PRKN: variants seen among roughly 807,000 people sequenced by gnomAD.
The protein encoded by PRKN is parkin RBR E3 ubiquitin protein ligase.
Under a neutral mutation model 59.5 loss-of-function variants are expected in PRKN, and 56 were observed. That is an observed-to-expected ratio of 0.94 (90% CI 0.76 to 1.18). The LOEUF (loss-of-function observed/expected upper bound fraction) is 1.18, where lower values mean the gene tolerates loss of function less well. Among genes scored for constraint, PRKN ranks in the 50% most tolerant of loss-of-function variants. PRKN has a pLI of 0.00. For missense variants in PRKN, 657 were observed against 596.4 expected, an observed-to-expected ratio of 1.10 and a Z score of -1.06; for synonymous variants, 250 against 222.1, an observed-to-expected ratio of 1.13 and a Z score of -1.12.
chr6:161,604,960 C>G (rs1162893805), intron 7 of PRKN, among the ~76,000 whole-genome samples: 1 of 152,064 alleles, frequency 6.6e-6, no homozygotes, highest in Non-Finnish European at 1.5e-5. Context: ...CTGACACATT[C>G]TTAAGAGACA....
intron 5 of PRKN, among the ~76,000 whole-genome samples, chr6:162,029,546 C>T (rs1334333631): frequency 3.3e-5 from 5 of 152,128 alleles, no homozygotes; most frequent in East Asian, 1.9e-4. Context: ...CACCGTGCAC[C>T]GCACTCTAGT....
intron 5 of PRKN, among the ~76,000 whole-genome samples, chr6:162,044,090 A>C (rs907424066): frequency 6.6e-6 from 1 of 152,226 alleles, no homozygotes; most frequent in Non-Finnish European, 1.5e-5. Context: ...TTTGCCAGGG[A>C]TTCAAGGAAG....
chr6:161,834,062 G>C (rs991124361), intron 6 of PRKN, among the ~76,000 whole-genome samples: 1 of 152,004 alleles, frequency 6.6e-6, no homozygotes, highest in Non-Finnish European at 1.5e-5. Context: ...CTAAGACAGC[G>C]GCACAGACAT....
intron 2 of PRKN, among the ~76,000 whole-genome samples, chr6:162,322,450 T>C (rs1783071969): frequency 1.3e-5 from 2 of 152,108 alleles, no homozygotes; most frequent in Admixed American, 6.6e-5. Context: ...CTAAGATTCA[T>C]GTGACAATGC....
chr6:162,612,680 T>A (rs977367164), intron 1 of PRKN, among the ~76,000 whole-genome samples: 4 of 149,824 alleles, frequency 2.7e-5, no homozygotes, highest in Non-Finnish European at 5.9e-5. Context: ...ATCAACAGCA[T>A]AAGTTCTTCC....
At chr6:162,614,254 A>G (rs1191862664) in intron 1 of PRKN, among the ~76,000 whole-genome samples, 3 of 152,142 alleles carry the variant, frequency 2.0e-5, no homozygotes, top group African/African-American at 7.2e-5. Context: ...GAGTGCCTCT[A>G]GGGACTCAGG....
intron 2 of PRKN, among the ~76,000 whole-genome samples, chr6:162,298,871 C>A (rs1321118795): frequency 1.3e-5 from 2 of 152,110 alleles, no homozygotes; most frequent in African/African-American, 4.8e-5. Flanking sequence ...GCCTGGACCT[C>A]TGGGAGGTGC....
At chr6:162,151,258 G>A (rs1208611452) in intron 4 of PRKN, among the ~76,000 whole-genome samples, 4 of 152,164 alleles carry the variant, frequency 2.6e-5, no homozygotes, top group African/African-American at 4.8e-5. Flanking sequence ...CTGGCTGGCC[G>A]AGAGTTTGTC....
At chr6:161,711,916 T>C (rs1437443897) in intron 7 of PRKN, among the ~76,000 whole-genome samples, 2 of 152,222 alleles carry the variant, frequency 1.3e-5, no homozygotes, top group East Asian at 3.8e-4. Flanking sequence ...GACTGAAGGT[T>C]GCACTATCGG....
At chr6:162,715,499 C>T (rs1191392987) in intron 1 of PRKN, among the ~76,000 whole-genome samples, 1 of 152,126 alleles carries the variant, frequency 6.6e-6, no homozygotes. Context: ...CAGCTAATTG[C>T]CCTAATAGTT....
chr6:162,453,463 A>G (rs1347804439), intron 1 of PRKN, among the ~76,000 whole-genome samples: 1 of 152,132 alleles, frequency 6.6e-6, no homozygotes, highest in African/African-American at 2.4e-5. Context: ...AATCTATATA[A>G]TAAGACGTGT....
chr6:162,021,469 T>A (rs1446833418), intron 5 of PRKN, among the ~76,000 whole-genome samples: 24 of 135,636 alleles, frequency 1.8e-4, no homozygotes, highest in African/African-American at 6.1e-4. Flanking sequence ...ATATTTTTTT[T>A]TTTTTTTTCC....
chr6:162,636,320 AT>A (rs1777710242), intron 1 of PRKN, among the ~76,000 whole-genome samples: 1 of 152,186 alleles, frequency 6.6e-6, no homozygotes, highest in East Asian at 1.9e-4. Context: ...ATAGCACCAA[AT>A]GTTTGGCTAA....
rs77617108 is a variant in PRKN, at chr6:162,451,892, T to C, written c.8-8419A>G. 2.0e-3 allele frequency among the ~76,000 whole-genome samples: 305 copies of C among 152,268 alleles called. 5 individuals carry two copies. In the South Asian group the frequency reaches 0.025, roughly 13 times the overall value. On this transcript the variant is annotated intron_variant, in intron 1 of 11. Coordinates refer to ENST00000366898, the MANE Select transcript of PRKN (RefSeq NM_004562.3). ...TTACATATTCAAGATGTTCAACAAA[T>C]GTCAAGCAGGATAAATATGAACGTG... is the stretch of plus-strand genomic sequence containing the variant.
At chr6:162,657,126 A>C in intron 1 of PRKN, among the ~76,000 whole-genome samples, 1 of 152,236 alleles carries the variant, frequency 6.6e-6, no homozygotes, top group East Asian at 1.9e-4. Flanking sequence ...GCAATGGTAG[A>C]TGCTAAACAA....
chr6:161,595,832 A>G (rs1453331029), intron 7 of PRKN, among the ~76,000 whole-genome samples: 1 of 152,224 alleles, frequency 6.6e-6, no homozygotes, highest in Admixed American at 6.5e-5. Flanking sequence ...AGGTGGTGCT[A>G]TAATTTACGG....
At chr6:162,706,559 T>G (rs772526146) in intron 1 of PRKN, among the ~76,000 whole-genome samples, 1 of 152,206 alleles carries the variant, frequency 6.6e-6, no homozygotes, top group Non-Finnish European at 1.5e-5. Context: ...GGCCATGTCG[T>G]CCAAGTGCAT....
intron 2 of PRKN, among the ~76,000 whole-genome samples, chr6:162,429,803 A>G (rs1007823987): frequency 2.2e-4 from 34 of 152,168 alleles, no homozygotes; most frequent in African/African-American, 8.0e-4. Context: ...TGGAGGAGAC[A>G]CTTGGCAAGT....
At chr6:161,610,264 G>A (rs1583288094) in intron 7 of PRKN, among the ~76,000 whole-genome samples, 1 of 151,962 alleles carries the variant, frequency 6.6e-6, no homozygotes, top group Non-Finnish European at 1.5e-5. Flanking sequence ...TGACTCTGGG[G>A]GCAAAGCCGG....
Sources: gnomAD v4.1 joint callset for allele counts (sites outside exome capture counted in the v4.1 genomes callset) on GRCh38, gnomAD v4.1.1 for gene constraint, MANE v1.5 for transcripts, NCBI Gene and HGNC (gene_info 2026-07-23, HGNC 2026-07-21) for gene names.